The following ATG5 variants were observed in gnomAD, a reference collection of about 807,000 sequenced individuals.
ATG5 encodes autophagy protein 5.
Under a neutral mutation model 36.5 loss-of-function variants are expected in ATG5, and 14 were observed. The ratio of observed to expected loss-of-function variants is 0.38; its 90% CI spans 0.25 to 0.60. ATG5 has a LOEUF of 0.60. Ranked by LOEUF, ATG5 falls within the 20% of genes least tolerant of loss-of-function variation. The probability of loss-of-function intolerance (pLI) is 0.60; values close to 1 mark genes in which losing one functional copy is unlikely to be tolerated. For missense variants in ATG5, 195 were observed against 326.7 expected, an observed-to-expected ratio of 0.60 and a Z score of 3.11; for synonymous variants, 95 against 101.5, an observed-to-expected ratio of 0.94 and a Z score of 0.38.
chr6:106,188,579 G>A (rs1191074252), intron 7 of ATG5, among the ~76,000 whole-genome samples: 3 of 152,292 alleles, frequency 2.0e-5, no homozygotes, highest in East Asian at 1.9e-4. Flanking sequence ...CAGTGTATCT[G>A]AAAGGCAAAA....
intron 6 of ATG5, among the ~76,000 whole-genome samples, chr6:106,221,685 CAAAAA>C (rs11442463): frequency 2.5e-3 from 178 of 70,968 alleles, no homozygotes; most frequent in Non-Finnish European, 3.5e-3. Context: ...GACCCTGTCT[CAAAAA>C]AAAAAAAAAA....
chr6:106,207,128 G>A (rs1336147757), intron 6 of ATG5, among the ~76,000 whole-genome samples: 1 of 152,152 alleles, frequency 6.6e-6, no homozygotes, highest in Non-Finnish European at 1.5e-5. Flanking sequence ...CTTTGAAACT[G>A]TCCTTGTTAC....
chr6:106,312,695 A>G (rs1246198504), intron 2 of ATG5, among the ~76,000 whole-genome samples: 3 of 151,910 alleles, frequency 2.0e-5, no homozygotes, highest in Non-Finnish European at 4.4e-5. Flanking sequence ...AACCAAGGAT[A>G]CTGAGCACTG....
intron 6 of ATG5, among the ~76,000 whole-genome samples, chr6:106,223,241 A>G (rs1412111591): frequency 6.6e-6 from 1 of 152,216 alleles, no homozygotes; most frequent in East Asian, 1.9e-4. Flanking sequence ...TCTGCATCAA[A>G]TAGTTCCTAC....
chr6:106,240,449 C>T (rs187519250), intron 6 of ATG5, among the ~76,000 whole-genome samples: 14 of 150,448 alleles, frequency 9.3e-5, no homozygotes, highest in Admixed American at 8.6e-4. Flanking sequence ...TTACAGAAAA[C>T]CAAGTCCAAA....
At chr6:106,195,735 C>T (rs1448434312) in intron 7 of ATG5, among the ~76,000 whole-genome samples, 1 of 147,692 alleles carries the variant, frequency 6.8e-6, no homozygotes, top group Non-Finnish European at 1.5e-5. Flanking sequence ...TACTCACCTA[C>T]AGCACCTGAA....
chr6:106,193,126 T>C (rs1012547424), intron 7 of ATG5, among the ~76,000 whole-genome samples: 6 of 152,192 alleles, frequency 3.9e-5, no homozygotes, highest in Non-Finnish European at 5.9e-5. Context: ...CTACATGATG[T>C]AGCAGTAAAA....
intron 1 of ATG5, among the ~76,000 whole-genome samples, chr6:106,324,442 C>T (rs566876183): frequency 6.6e-6 from 1 of 152,218 alleles, no homozygotes; most frequent in South Asian, 2.1e-4. Flanking sequence ...CCACAGATGC[C>T]GAGGGACAGG....
intron 3 of ATG5, among the ~76,000 whole-genome samples, 155 bp from the exon 4 acceptor site, chr6:106,293,261 A>G (rs1010544180): frequency 1.3e-5 from 2 of 152,228 alleles, no homozygotes; most frequent in Non-Finnish European, 2.9e-5. Context: ...TGCCTAGGCT[A>G]GTATGATCTA....
chr6:106,200,042 T>C (rs1390855202), intron 7 of ATG5, among the ~76,000 whole-genome samples: 3 of 152,232 alleles, frequency 2.0e-5, no homozygotes, highest in Non-Finnish European at 4.4e-5. Flanking sequence ...ACAGTATTAT[T>C]GTAGGTGCCC....
chr6:106,240,880 C>T (rs1288140149), intron 6 of ATG5, among the ~76,000 whole-genome samples: 2 of 152,166 alleles, frequency 1.3e-5, no homozygotes, highest in Non-Finnish European at 2.9e-5. Context: ...AGGCTGGGTG[C>T]GGTGGCTCAT....
At chr6:106,298,832 T>C (rs1439043440) in intron 3 of ATG5, among the ~76,000 whole-genome samples, 1 of 152,212 alleles carries the variant, frequency 6.6e-6, no homozygotes, top group Non-Finnish European at 1.5e-5. Flanking sequence ...TCTACTGATA[T>C]TCAACACAAT....
chr6:106,244,986 C>T (rs1010930493), intron 6 of ATG5, among the ~76,000 whole-genome samples: 6 of 152,196 alleles, frequency 3.9e-5, no homozygotes, highest in Admixed American at 3.9e-4. Context: ...TAATCACCAC[C>T]TGTTTACAAG....
At chr6:106,317,466 GA>G (rs1324589451) in intron 1 of ATG5, among the ~76,000 whole-genome samples, 1 of 152,026 alleles carries the variant, frequency 6.6e-6, no homozygotes, top group Non-Finnish European at 1.5e-5. Context: ...GTTAAAGAAA[GA>G]AAAAGTTGGA....
At chr6:106,317,843 G>A (rs183592887) in intron 1 of ATG5, among the ~76,000 whole-genome samples, 1 of 152,160 alleles carries the variant, frequency 6.6e-6, no homozygotes, top group Non-Finnish European at 1.5e-5. Flanking sequence ...TCTTTTTAAA[G>A]TGAATTCACT....
chr6:106,241,438 T>G (rs939143984), intron 6 of ATG5, among the ~76,000 whole-genome samples: 2 of 152,152 alleles, frequency 1.3e-5, no homozygotes, highest in Non-Finnish European at 2.9e-5. Flanking sequence ...AGTATGGCCA[T>G]TCCTCAAGAA....
intron 1 of ATG5, among the ~76,000 whole-genome samples, chr6:106,324,093 C>G (rs1333619961): frequency 6.6e-6 from 1 of 152,114 alleles, no homozygotes; most frequent in Non-Finnish European, 1.5e-5. Context: ...GTTTTTTTCT[C>G]TAGCACTTTC....
chr6:106,269,511 G>A (rs1445323617), intron 5 of ATG5, among the ~76,000 whole-genome samples: 1 of 152,238 alleles, frequency 6.6e-6, no homozygotes, highest in African/African-American at 2.4e-5. Flanking sequence ...GGGGTGGGAG[G>A]CTCAGGCATG....
chr6:106,263,687 G>A (rs1038621142), intron 5 of ATG5, among the ~76,000 whole-genome samples: 15 of 152,144 alleles, frequency 9.9e-5, no homozygotes, highest in African/African-American at 3.6e-4. Flanking sequence ...CTGTTCTACA[G>A]CCTCCACTGG....
Sources: gnomAD v4.1 joint callset for allele counts (sites outside exome capture counted in the v4.1 genomes callset) on GRCh38, gnomAD v4.1.1 for gene constraint, MANE v1.5 for transcripts, NCBI Gene and HGNC (gene_info 2026-07-23, HGNC 2026-07-21) for gene names.